DCLRE1A: variants seen among roughly 807,000 people sequenced by gnomAD.
DCLRE1A encodes the protein DNA cross-link repair 1A protein.
DCLRE1A carries 64 observed loss-of-function variants against 91.9 expected under a neutral mutation model. That is an observed-to-expected ratio of 0.70 (90% CI 0.57 to 0.86). DCLRE1A has a LOEUF of 0.86. Among genes scored for constraint, DCLRE1A ranks in the 40% least tolerant of loss-of-function variants. The pLI, the probability that DCLRE1A is intolerant of heterozygous loss-of-function variation, is 0.00. For missense variants in DCLRE1A, 1,145 were observed against 1,213.3 expected, an observed-to-expected ratio of 0.94 and a Z score of 0.84; for synonymous variants, 416 against 431.1, an observed-to-expected ratio of 0.96 and a Z score of 0.43.
rs574724363 is a variant in DCLRE1A at position 113,852,392 on chromosome 10, A to T, written c.460+331T>A. Among the ~76,000 whole-genome samples the T allele has an allele frequency of 3.3e-5, 5 of 152,376 alleles. No individual in the cohort carries two copies. The South Asian group carries it at 6.2e-4, about 19-fold the overall frequency. On this transcript the variant is annotated intron_variant, in intron 1 of 8. Coordinates refer to ENST00000361384, the MANE Select transcript of DCLRE1A (RefSeq NM_014881.5). ...CTGACTTTTAAGAACTTTCATCTAT[A>T]AAATGTCAATACTAGCTACCTTATA... is the stretch of plus-strand genomic sequence containing the variant.
At position 113,849,327 on chromosome 10, in the gene DCLRE1A, T is replaced by A. The variant is rs1845598216; in HGVS notation, c.1778A>T (p.Gln593Leu). Residue 593 changes from glutamine (Q) to leucine (L), a missense_variant, in exon 2 of 9, where the codon CAA (glutamine) becomes CTA (leucine). Transcript: ENST00000361384. ...CCTCTTGCACTGCGAGGACCTCTTTTGATTAGGACTTGGAACTGGATTTAA... is the reference window on the plus strand; with the variant it reads ...CCTCTTGCACTGCGAGGACCTCTTTAGATTAGGACTTGGAACTGGATTTAA... ...INLNPVPSPN[Q>L]KRSSQCKRKA... is the part of the protein sequence containing the mutation. 1.2e-6 allele frequency: 2 copies of A among 1,614,094 alleles called. No homozygotes were observed. The highest frequency in any genetic ancestry group is 1.7e-6 in the Non-Finnish European group (2 of 1,180,040).
chr10:113,838,978 A>T (rs1048651570), intron 7 of DCLRE1A, among the ~76,000 whole-genome samples: 53 of 152,172 alleles, frequency 3.5e-4, no homozygotes, highest in African/African-American at 1.2e-3. Flanking sequence ...AAAAAAAAAA[A>T]ATTGGCTCTA....
At chr10:113,845,110 A>C (rs1845511745) in intron 4 of DCLRE1A, among the ~76,000 whole-genome samples, 1 of 152,174 alleles carries the variant, frequency 6.6e-6, no homozygotes, top group African/African-American at 2.4e-5. Flanking sequence ...GTGGGCTAAC[A>C]TTCTATGGAA....
intron 7 of DCLRE1A, 23 bp downstream of exon 7, chr10:113,841,383 A>C (rs1845442669): frequency 6.2e-7 from 1 of 1,606,846 alleles, no homozygotes; most frequent in African/African-American, 1.3e-5. Flanking sequence ...TCATCCTAAA[A>C]GACATATCTC....
At chr10:113,850,690 C>T (rs1362946059) in intron 1 of DCLRE1A, 46 bp from the exon 2 acceptor site, 7 of 1,450,268 alleles carry the variant, frequency 4.8e-6, no homozygotes, top group Admixed American at 2.4e-5. Flanking sequence ...AAAGCATAGA[C>T]TAAGCTTTGA....
In DCLRE1A at chr10:113,841,468, T is replaced by C. The variant is rs752517221; in HGVS notation, c.2758A>G (p.Ile920Val). The change falls in exon 7 of 9, where the codon ATC becomes GTC. Residue 920 changes from isoleucine to valine, a missense_variant. Physicochemically the swap from Ile to Val is conservative, Grantham distance 29. Coordinates refer to ENST00000361384, the MANE Select transcript of DCLRE1A (RefSeq NM_014881.5). The stretch of plus-strand genomic sequence containing the variant: ...AATGAACTGCACATGTCGGTAGTGA[T>C]GAGTGAATTAATTTCTGGTATATTG... The part of the protein sequence containing the change: ...CLNIPEINSL[I>V]TTDMCSSLVH... 3 of 1,613,604 alleles carry C rather than the reference T, an allele frequency of 1.9e-6. No individual in the cohort carries two copies. Among genetic ancestry groups the C allele is most frequent in the African/African-American group, 2.7e-5 (2 of 74,908 alleles).
chr10:113,841,522 G>A lies in DCLRE1A; in HGVS notation c.2704C>T (p.Gln902Ter). The change falls in exon 7 of 9, where the codon CAG (glutamine) becomes TAG (stop). Residue 902 changes from glutamine to a stop codon, truncating the protein, a stop_gained. Coordinates refer to ENST00000361384, the MANE Select transcript of DCLRE1A (RefSeq NM_014881.5). LOFTEE classifies it high-confidence loss of function. ...CACTGTAGAGTTTTATATTTTTCCT[G>A]GGACATGCCCACTTTTGAACCTAAA... is the stretch of plus-strand genomic sequence containing the variant. ...DVLGSKVGMS[Q>*]EKYKTLQCLN... 1 of 1,612,006 alleles carries A rather than the reference G, an allele frequency of 6.2e-7. No homozygotes were observed. Among genetic ancestry groups the A allele is most frequent in the East Asian group, 2.2e-5 (1 of 44,676 alleles).
At position 113,844,329 on chromosome 10, in the gene DCLRE1A, C is replaced by G. The variant is rs907212052; in HGVS notation, c.2379-85G>C. ...CTATTTCAATATCAACAAGTTAGCA[C>G]GCTTTATTAGCTGACCACAATGACA... On this transcript the variant is annotated intron_variant, in intron 4 of 8. Coordinates refer to ENST00000361384, the MANE Select transcript of DCLRE1A (RefSeq NM_014881.5). The G allele has an allele frequency of 1.7e-4, 256 of 1,533,520 alleles. 1 individual carries two copies. The highest frequency in any genetic ancestry group is 1.8e-4 in the Middle Eastern group (1 of 5,652). The allele number at this position is 1,533,520 out of a possible 1,614,324, so 95.0% of individuals were successfully genotyped here.
Position 113,850,096 on chromosome 10 carries a change from C to G in DCLRE1A, c.1009G>C (p.Asp337His). The G allele has an allele frequency of 6.2e-7, 1 of 1,613,890 alleles. No homozygotes were observed. The highest frequency in any genetic ancestry group is 1.7e-5 in the Admixed American group (1 of 59,966). Residue 337 changes from aspartate to histidine, a missense_variant, in exon 2 of 9, where the codon GAT becomes CAT. By Grantham distance (81) the Asp-to-His change is moderately conservative. Transcript: ENST00000361384. ...ESSKDGSLEE[D>H]DDSCGFFKKR... The stretch of plus-strand genomic sequence containing the variant: ...TTAAAAAAACCACAGCTGTCATCAT[C>G]TTCTTCGAGGCTGCCATCTTTTGAG...
rs1009637316 is a variant in DCLRE1A, at chr10:113,849,992, A to G, written c.1113T>C (p.Tyr371=). 1 of 1,614,174 alleles carries G rather than the reference A, an allele frequency of 6.2e-7. No individual in the cohort carries two copies. Among genetic ancestry groups the G allele is most frequent in the Non-Finnish European group, 8.5e-7 (1 of 1,180,034 alleles). ...KVNSFLTRDK[Y]DEGLYRFNSL... The stretch of plus-strand genomic sequence containing the variant: ...TATTGAATCTATACAATCCTTCATC[A>G]TACTTATCCCGAGTTAAGAAGCTGT... The change falls in exon 2 of 9, where the codon TAT becomes TAC. Residue 371 remains tyrosine, a synonymous_variant. Transcript: ENST00000361384.
rs1474042560 is a variant in DCLRE1A, at chr10:113,854,042, G to A, written c.-860C>T. 1 of 152,254 alleles carries A rather than the reference G, an allele frequency of 6.6e-6. No individual in the cohort carries two copies. The highest frequency in any genetic ancestry group is 1.5e-5 in the Non-Finnish European group (1 of 68,120). 9.4% of individuals were successfully genotyped at this position (152,254 alleles called of 1,614,324 possible). A position where few individuals can be genotyped will look rare whatever the true frequency, so the allele number is the denominator to read the frequency against. On this transcript the variant is annotated 5_prime_UTR_variant, in exon 1 of 9. Transcript: ENST00000361384. ...GCATTAGAGGCTGGGAGGCCAGGAAGCGGGGCCTTAATCATCTCCAGGTTA... is the reference window on the plus strand; with the variant it reads ...GCATTAGAGGCTGGGAGGCCAGGAAACGGGGCCTTAATCATCTCCAGGTTA...
upstream of DCLRE1A, chr10:113,854,373 A>G (rs1845714448): frequency 6.6e-6 from 1 of 152,602 alleles, no homozygotes; most frequent in South Asian, 2.0e-4. Flanking sequence ...CTTGGCGGGA[A>G]CAAGTTCCCG....
Position 113,835,118 on chromosome 10 carries a change from G to A in DCLRE1A, c.*34C>T. 1 of 1,592,868 alleles carries A rather than the reference G, an allele frequency of 6.3e-7. No homozygotes were observed. The highest frequency in any genetic ancestry group is 8.5e-7 in the Non-Finnish European group (1 of 1,169,980). The stretch of plus-strand genomic sequence containing the variant: ...TAACTACTAACAAGCTACATCCAAG[G>A]AACTTAACTACTACTGAATCCTCGG... On this transcript the variant is annotated 3_prime_UTR_variant, in exon 9 of 9. Coordinates refer to ENST00000361384, the MANE Select transcript of DCLRE1A (RefSeq NM_014881.5).
intron 7 of DCLRE1A, among the ~76,000 whole-genome samples, chr10:113,839,230 C>T (rs1845409013): frequency 6.9e-6 from 1 of 144,808 alleles, no homozygotes; most frequent in Non-Finnish European, 1.5e-5. Context: ...GAGGCTGAGG[C>T]AGGAGAATAG....
In DCLRE1A at chr10:113,844,100, T is replaced by A. The variant is rs1845490014; in HGVS notation, c.2519+4A>T. 12 of 1,614,022 alleles carry A rather than the reference T, an allele frequency of 7.4e-6. No homozygotes were observed. Among genetic ancestry groups the A allele is most frequent in the Non-Finnish European group, 1.0e-5 (12 of 1,179,936 alleles). ...AGGAAACACACAAAAAAAGCCTCTC[T>A]TACGTGGTATCTAAGTACAGCATAT... On this transcript the variant is annotated splice_donor_region_variant and intron_variant, in intron 5 of 8. Transcript: ENST00000361384.
Position 113,847,245 on chromosome 10 carries a change from G to A in DCLRE1A, c.2216C>T (p.Ala739Val), listed in dbSNP as rs1845553941. 1.2e-6 allele frequency: 2 copies of A among 1,613,542 alleles called. No homozygotes were observed. Among genetic ancestry groups the A allele is most frequent in the East Asian group, 2.2e-5 (1 of 44,870 alleles). The change falls in exon 3 of 9, where the codon GCT (alanine) becomes GTT (valine). Residue 739 changes from alanine to valine, a missense_variant. Physicochemically the swap from Ala to Val is moderately conservative, Grantham distance 64 (BLOSUM62 0). Transcript: ENST00000361384. ...AAATGTGAAGTGTTTAGACAATCCAGCATAATGATCAGAATGAAAATGTGT... is the reference window on the plus strand; with the variant it reads ...AAATGTGAAGTGTTTAGACAATCCAACATAATGATCAGAATGAAAATGTGT... ...FLTHFHSDHY[A>V]GLSKHFTFPV... is the part of the protein sequence containing the mutation.
chr10:113,836,908 C>T (rs1273590907), intron 8 of DCLRE1A, among the ~76,000 whole-genome samples, 154 bp downstream of exon 8: 1 of 152,098 alleles, frequency 6.6e-6, no homozygotes, highest in Non-Finnish European at 1.5e-5. Context: ...TTACAATGGA[C>T]TAGATACAGG....
intron 1 of DCLRE1A, 77 bp from the exon 2 acceptor site, chr10:113,850,721 G>A: frequency 1.7e-6 from 2 of 1,209,634 alleles, no homozygotes; most frequent in South Asian, 1.8e-5. Context: ...AGTATAAATT[G>A]GGTTCCATTA....
intron 3 of DCLRE1A, 92 bp from the exon 4 acceptor site, chr10:113,845,895 C>G (rs1052785414): frequency 6.7e-6 from 7 of 1,045,968 alleles, no homozygotes; most frequent in Non-Finnish European, 1.1e-5. Context: ...TTAATAACAT[C>G]CATTTTCCTA....
Sources: allele counts gnomAD v4.1 joint callset (sites outside exome capture counted in the v4.1 genomes callset), GRCh38; gene constraint gnomAD v4.1.1; transcripts MANE v1.5; gene names NCBI Gene and HGNC (gene_info 2026-07-23, HGNC 2026-07-21).